Variants in TIAM1 observed in about 807,000 individuals in gnomAD.
TIAM1 encodes the protein rho guanine nucleotide exchange factor TIAM1.
TIAM1 carries 65 observed loss-of-function variants against 163.5 expected under a neutral mutation model. That is an observed-to-expected ratio of 0.40 (90% confidence interval 0.33 to 0.49). The LOEUF (loss-of-function observed/expected upper bound fraction) is 0.49. TIAM1 is among the 20% of genes least tolerant of loss of function. The pLI, the probability that TIAM1 is intolerant of heterozygous loss-of-function variation, is 0.77. For synonymous variants in TIAM1, 833 were observed against 810.1 expected, an observed-to-expected ratio of 1.03 and a Z score of -0.48; for missense variants, 1,789 against 2,044.7, an observed-to-expected ratio of 0.87 and a Z score of 2.41.
chr21:31,311,046 G>A (rs1238548665), intron 2 of TIAM1, among the ~76,000 whole-genome samples: 1 of 152,152 alleles, frequency 6.6e-6, no homozygotes, highest in Admixed American at 6.5e-5. Context: ...TGGCTTGGCA[G>A]GACTCTCTCA....
chr21:31,214,066 T>A (rs1366642991), intron 9 of TIAM1, among the ~76,000 whole-genome samples: 1 of 151,548 alleles, frequency 6.6e-6, no homozygotes, highest in Admixed American at 6.6e-5. Flanking sequence ...GGCTCATATC[T>A]GCAATCCTAG....
intron 11 of TIAM1, among the ~76,000 whole-genome samples, chr21:31,203,439 C>T (rs575034651): frequency 8.1e-4 from 123 of 152,320 alleles, no homozygotes; most frequent in Middle Eastern, 6.8e-3. Flanking sequence ...AAATTTGATG[C>T]TGAATGGGGG....
intron 14 of TIAM1, among the ~76,000 whole-genome samples, chr21:31,185,749 G>A (rs1186861766): frequency 6.6e-6 from 1 of 151,004 alleles, no homozygotes; most frequent in Non-Finnish European, 1.5e-5. Context: ...ATGATTTAGT[G>A]TAGGTCCTAA....
intron 2 of TIAM1, among the ~76,000 whole-genome samples, chr21:31,422,563 A>G (rs535799641): frequency 6.6e-6 from 1 of 152,216 alleles, no homozygotes; most frequent in African/African-American, 2.4e-5. Context: ...CTGAACATAC[A>G]TATAACAAAA....
chr21:31,180,698 T>C (rs2084973943), intron 15 of TIAM1, among the ~76,000 whole-genome samples: 1 of 152,216 alleles, frequency 6.6e-6, no homozygotes, highest in Non-Finnish European at 1.5e-5. Context: ...AACAACTCTA[T>C]CTGTGAACCG....
intron 23 of TIAM1, among the ~76,000 whole-genome samples, chr21:31,135,546 T>TC (rs1555857592): frequency 2.0e-5 from 3 of 152,100 alleles, no homozygotes; most frequent in Admixed American, 1.3e-4. Flanking sequence ...GATCTAGGAC[T>TC]GGGGGGTCTC....
At chr21:31,558,915 C>G (rs4817404) in intron 1 of TIAM1, 64,794 of 151,732 alleles carry the variant, frequency 0.43, 14,330 homozygotes, top group East Asian at 0.74. Flanking sequence ...ACCCCAGGCC[C>G]GCGGTACTCA....
At chr21:31,151,769 G>A (rs570968567) in intron 19 of TIAM1, among the ~76,000 whole-genome samples, 2 of 152,158 alleles carry the variant, frequency 1.3e-5, no homozygotes, top group Middle Eastern at 3.4e-3. Context: ...AGGGTGACAC[G>A]TAAGCCAACA....
intron 2 of TIAM1, among the ~76,000 whole-genome samples, chr21:31,384,973 TC>T (rs1398983205): frequency 2.0e-5 from 3 of 152,154 alleles, no homozygotes; most frequent in African/African-American, 7.2e-5. Context: ...CCCCTCTAAA[TC>T]CTTTGTTGAA....
At chr21:31,415,175 G>GA (rs1285304959) in intron 2 of TIAM1, among the ~76,000 whole-genome samples, 1 of 152,176 alleles carries the variant, frequency 6.6e-6, no homozygotes. Flanking sequence ...AAGCGTAAGA[G>GA]AAAATCCCAC....
intron 1 of TIAM1, among the ~76,000 whole-genome samples, chr21:31,343,527 G>C (rs764744931): frequency 6.6e-6 from 1 of 152,118 alleles, no homozygotes; most frequent in African/African-American, 2.4e-5. Context: ...CACCTCCACA[G>C]CCAGGAACCT....
chr21:31,430,223 A>ATATAT (rs1165189999), intron 2 of TIAM1, among the ~76,000 whole-genome samples: 66 of 97,968 alleles, frequency 6.7e-4, no homozygotes, highest in African/African-American at 3.4e-3. Context: ...AAAAAAAAAA[A>ATATAT]AAATATATAT....
At chr21:31,499,361 A>T (rs2046771921) in intron 1 of TIAM1, among the ~76,000 whole-genome samples, 1 of 151,004 alleles carries the variant, frequency 6.6e-6, no homozygotes, top group Non-Finnish European at 1.5e-5. Context: ...GGAGTTTGAG[A>T]CCAGCCTGGG....
At position 31,154,180 on chromosome 21, in the gene TIAM1, A is replaced by G. The variant is rs114081016; in HGVS notation, c.3171+67T>C. 1.1e-3 allele frequency: 1,733 copies of G among 1,533,566 alleles called. 24 individuals are homozygous for G. In the African/African-American group the frequency reaches 0.021, roughly 19 times the overall value. 95.0% of individuals were successfully genotyped at this position (1,533,566 alleles called of 1,614,324 possible). A position where few individuals can be genotyped will look rare whatever the true frequency, so the allele number is the denominator to read the frequency against. ...TTTAAATCAGCTGTTAATGAAAACC[A>G]GCAGACACACCAACTTCACTCCTTT... On this transcript the variant is annotated intron_variant, in intron 17 of 27. Transcript: ENST00000541036.
Position 31,243,192 on chromosome 21 carries a change from CAAA to C in TIAM1, c.1584+2293_1584+2295del, listed in dbSNP as rs60242603. 1.7e-3 allele frequency among the ~76,000 whole-genome samples: 167 copies of C among 100,946 alleles called. 1 individual carries two copies. The highest frequency in any genetic ancestry group is 6.1e-3 in the South Asian group (19 of 3,098). The allele number at this position is 100,946 out of a possible 152,430, so 66.2% of individuals were successfully genotyped here. On this transcript the variant is annotated intron_variant, in intron 6 of 27. Transcript: ENST00000541036. ...GGGCAACAAAAGCAAAACTTCATCTCAAAAAAAAAAAAAAAAAATATATATATA... is the reference window on the plus strand; with the variant it reads ...GGGCAACAAAAGCAAAACTTCATCTCAAAAAAAAAAAAAAATATATATATA...
intron 1 of TIAM1, among the ~76,000 whole-genome samples, chr21:31,475,838 G>A (rs1198092797): frequency 2.0e-5 from 3 of 152,222 alleles, no homozygotes; most frequent in Non-Finnish European, 4.4e-5. Flanking sequence ...AAAGTTATGG[G>A]AACAACTTGA....
chr21:31,142,058 C>T (rs955995820), intron 20 of TIAM1, among the ~76,000 whole-genome samples: 8 of 152,088 alleles, frequency 5.3e-5, no homozygotes, highest in Admixed American at 5.2e-4. Context: ...CTCCCCAGTT[C>T]CTTCCCTCAG....
At chr21:31,275,439 C>T (rs2146853215) in intron 3 of TIAM1, among the ~76,000 whole-genome samples, 1 of 152,240 alleles carries the variant, frequency 6.6e-6, no homozygotes, top group East Asian at 1.9e-4. Context: ...AACCCAAACT[C>T]TAAAACAGAT....
chr21:31,288,536 C>G (rs2073899179), intron 2 of TIAM1, among the ~76,000 whole-genome samples: 1 of 152,152 alleles, frequency 6.6e-6, no homozygotes, highest in South Asian at 2.1e-4. Flanking sequence ...CACTCATGAC[C>G]TAATCACGTC....
Sources: allele counts gnomAD v4.1 joint callset (sites outside exome capture counted in the v4.1 genomes callset), GRCh38; gene constraint gnomAD v4.1.1; transcripts MANE v1.5; gene names NCBI Gene and HGNC (gene_info 2026-07-23, HGNC 2026-07-21).